The following TEAD1 variants were observed in gnomAD, a reference collection of about 807,000 sequenced individuals.
The protein encoded by TEAD1 is TEA domain transcription factor 1.
A neutral mutation model predicts 54.9 loss-of-function variants in TEAD1; 9 were observed. That is an observed-to-expected ratio of 0.16 (90% CI 0.10 to 0.29). TEAD1 has a LOEUF of 0.29. TEAD1 is among the 10% of genes least tolerant of loss of function. The pLI is 1.00. For missense variants in TEAD1, 387 were observed against 535.9 expected, an observed-to-expected ratio of 0.72 and a Z score of 2.74; for synonymous variants, 200 against 187.8, an observed-to-expected ratio of 1.07 and a Z score of -0.53.
At chr11:12,800,764 C>T (rs1946040551) in intron 3 of TEAD1, among the ~76,000 whole-genome samples, 1 of 152,210 alleles carries the variant, frequency 6.6e-6, no homozygotes, top group South Asian at 2.1e-4. Flanking sequence ...TGGGGCCTCT[C>T]ATCTTCCTTT....
intron 3 of TEAD1, among the ~76,000 whole-genome samples, chr11:12,824,296 G>T (rs1946606997): frequency 6.6e-6 from 1 of 152,176 alleles, no homozygotes; most frequent in South Asian, 2.1e-4. Context: ...GCCGTTGTCT[G>T]CAGACTTGCC....
intron 3 of TEAD1, among the ~76,000 whole-genome samples, chr11:12,854,437 T>C (rs1362549263): frequency 6.6e-6 from 1 of 152,126 alleles, no homozygotes; most frequent in Non-Finnish European, 1.5e-5. Flanking sequence ...TATAGTCTCA[T>C]TCAGATAAAT....
At chr11:12,819,172 G>C (rs1019552771) in intron 3 of TEAD1, among the ~76,000 whole-genome samples, 1 of 152,086 alleles carries the variant, frequency 6.6e-6, no homozygotes, top group Non-Finnish European at 1.5e-5. Flanking sequence ...TGATGCAGAT[G>C]ATGAGCCAAT....
In TEAD1 at chr11:12,822,263, T is replaced by C. The variant is rs555849026; in HGVS notation, c.203-39987T>C. Among the ~76,000 whole-genome samples the C allele has an allele frequency of 2.5e-3, 387 of 152,308 alleles. 2 individuals carry two copies. The highest frequency in any genetic ancestry group is 9.1e-3 in the African/African-American group (379 of 41,578). On this transcript the variant is annotated intron_variant, in intron 3 of 12. Coordinates refer to ENST00000527636, the MANE Select transcript of TEAD1 (RefSeq NM_021961.6). ...AGGCGTGAGCCACCGGCAGTTGTGC[T>C]GCAACTGTAGAGAAACTAGAGGTCT...
intron 2 of TEAD1, among the ~76,000 whole-genome samples, chr11:12,689,000 T>C (rs1320535745): frequency 1.3e-5 from 2 of 149,906 alleles, no homozygotes; most frequent in Non-Finnish European, 2.9e-5. Flanking sequence ...ATTTCCTGCT[T>C]TGTTGTTTTT....
intron 9 of TEAD1, among the ~76,000 whole-genome samples, chr11:12,893,506 G>A (rs73409245): frequency 0.025 from 3,769 of 152,232 alleles, 146 homozygotes; most frequent in African/African-American, 0.084. Flanking sequence ...CTGGAAATCC[G>A]GGTTCTATAG....
chr11:12,733,930 C>A (rs1323597248), intron 2 of TEAD1, among the ~76,000 whole-genome samples: 1 of 152,202 alleles, frequency 6.6e-6, no homozygotes. Context: ...CCTCCCCCGC[C>A]CCCTCTAGGA....
intron 2 of TEAD1, among the ~76,000 whole-genome samples, chr11:12,711,512 C>T (rs552822202): frequency 2.0e-5 from 3 of 152,258 alleles, no homozygotes; most frequent in Non-Finnish European, 4.4e-5. Flanking sequence ...AGACCCTTTC[C>T]CCAGGGGTCC....
intron 10 of TEAD1, chr11:12,922,813 C>G (rs1948833723): frequency 6.6e-6 from 1 of 150,848 alleles, no homozygotes; most frequent in Non-Finnish European, 1.5e-5. Context: ...CCTGTAATCT[C>G]AGCTACTCAG....
rs1453935018 is a variant in TEAD1, at chr11:12,901,963, C to T, written c.723C>T (p.His241=). ...AGTACAACAAACACCTCTTCGTGCA[C>T]ATTGGGCATGCCAACCATTCTTACA... The change falls in exon 10 of 13, where the codon CAC becomes CAT. Residue 241 remains histidine, a synonymous_variant. Transcript: ENST00000527636. The T allele has an allele frequency of 1.9e-6, 3 of 1,614,092 alleles. No homozygotes were observed. Among genetic ancestry groups the T allele is most frequent in the East Asian group, 4.5e-5 (2 of 44,902 alleles).
chr11:12,764,156 C>T (rs1590126889), intron 2 of TEAD1, 23 bp from the exon 3 acceptor site: 1 of 1,481,900 alleles, frequency 6.7e-7, no homozygotes, highest in Non-Finnish European at 9.1e-7. Flanking sequence ...CATCCTTATA[C>T]TGTTTTTGGT....
Position 12,883,048 on chromosome 11 carries a change from G to A in TEAD1, c.622G>A (p.Gly208Ser), listed in dbSNP as rs1364338944. 1 of 1,614,170 alleles carries A rather than the reference G, an allele frequency of 6.2e-7. No homozygotes were observed. The highest frequency in any genetic ancestry group is 1.1e-5 in the South Asian group (1 of 91,076). ...AGCTCCCTCAGTCCCTGCCTGGCAA[G>A]GTCGCTCCATTGGCACAACCAAGCT... Residue 208 changes from glycine (G) to serine (S), a missense_variant, in exon 9 of 13, where the codon GGT becomes AGT. Gly to Ser is a moderately conservative substitution (Grantham distance 56, BLOSUM62 0). Around this residue, in one of 5 missense-constraint regions of TEAD1, gnomAD observed 180 missense variants for 180.6 expected, o/e 1.00. Coordinates refer to ENST00000527636, the MANE Select transcript of TEAD1 (RefSeq NM_021961.6).
chr11:12,937,425 A>C lies in TEAD1; in HGVS notation c.*203A>C. The C allele has an allele frequency of 2.1e-6, 1 of 482,284 alleles. No homozygotes were observed. The highest frequency in any genetic ancestry group is 3.8e-6 in the Non-Finnish European group (1 of 264,602). 29.9% of individuals were successfully genotyped at this position (482,284 alleles called of 1,614,324 possible). On this transcript the variant is annotated 3_prime_UTR_variant, in exon 13 of 13. Transcript: ENST00000527636. Reference sequence around the variant, plus strand: ...GTTCATACTATCATTGTAGCTGTGAAGTTCTGGTACAGTTGTAAAAAGAGA... The same window carrying C: ...GTTCATACTATCATTGTAGCTGTGACGTTCTGGTACAGTTGTAAAAAGAGA...
intron 3 of TEAD1, among the ~76,000 whole-genome samples, chr11:12,819,267 G>C (rs1351281939): frequency 2.0e-5 from 2 of 99,642 alleles, no homozygotes; most frequent in African/African-American, 7.1e-5. Flanking sequence ...ACCGGTGCTT[G>C]TGCAGAGGTG....
At chr11:12,865,538 AAGAT>A (rs1365665744) in intron 5 of TEAD1, 8 of 152,264 alleles carry the variant, frequency 5.3e-5, no homozygotes, top group African/African-American at 9.6e-5. Flanking sequence ...TTAAAAAAAA[AAGAT>A]AGATCTTAGA....
chr11:12,909,810 C>T (rs1473095310), intron 10 of TEAD1, among the ~76,000 whole-genome samples: 1 of 152,128 alleles, frequency 6.6e-6, no homozygotes, highest in African/African-American at 2.4e-5. Flanking sequence ...TGAATTTTAG[C>T]TTAAATTTAA....
intron 3 of TEAD1, among the ~76,000 whole-genome samples, chr11:12,804,210 A>C (rs1946121642): frequency 6.6e-6 from 1 of 152,198 alleles, no homozygotes; most frequent in African/African-American, 2.4e-5. Context: ...TATGGGAGCA[A>C]GTGCTTTCCC....
chr11:12,741,739 CT>C (rs1190253364), intron 2 of TEAD1, among the ~76,000 whole-genome samples: 1 of 152,084 alleles, frequency 6.6e-6, no homozygotes, highest in African/African-American at 2.4e-5. Flanking sequence ...GTCAAAAAGT[CT>C]TTTTTCCCCC....
intron 2 of TEAD1, among the ~76,000 whole-genome samples, chr11:12,715,918 T>C (rs55996542): frequency 0.036 from 5,506 of 152,166 alleles, 142 homozygotes; most frequent in South Asian, 0.061. Context: ...CAGGTGGCGA[T>C]GGAAGATGGG....
Sources: gnomAD v4.1 joint callset for allele counts (sites outside exome capture counted in the v4.1 genomes callset) on GRCh38, gnomAD v4.1.1 for gene constraint, gnomAD v4.1.1 regional missense constraint, MANE v1.5 for transcripts, NCBI Gene and HGNC (gene_info 2026-07-23, HGNC 2026-07-21) for gene names.